Variants in SSUH2 observed in about 807,000 individuals in gnomAD.
SSUH2 encodes the protein protein SSUH2 homolog.
SSUH2 carries 47 observed loss-of-function variants against 55.3 expected under a neutral mutation model. The observed-to-expected ratio is 0.85, with a 90% CI of 0.67 to 1.08. The LOEUF (loss-of-function observed/expected upper bound fraction) is 1.08. Ranked by LOEUF, SSUH2 falls within the 50% of genes least tolerant of loss-of-function variation. The pLI is 0.00. For missense variants in SSUH2, 535 were observed against 490.7 expected, an observed-to-expected ratio of 1.09 and a Z score of -0.85; for synonymous variants, 212 against 191.5, an observed-to-expected ratio of 1.11 and a Z score of -0.89.
At chr3:8,672,625 G>A (rs141799445) in intron 3 of SSUH2, among the ~76,000 whole-genome samples, 14 of 152,044 alleles carry the variant, frequency 9.2e-5, no homozygotes, top group Middle Eastern at 3.4e-3. Flanking sequence ...GAGTCATATC[G>A]TCCTCTCCCT....
chr3:8,676,070 A>G (rs1705221711), intron 3 of SSUH2, among the ~76,000 whole-genome samples: 1 of 152,070 alleles, frequency 6.6e-6, no homozygotes, highest in Non-Finnish European at 1.5e-5. Flanking sequence ...AAGGCCCCCC[A>G]TGCTGTGGTG....
intron 5 of SSUH2, among the ~76,000 whole-genome samples, chr3:8,669,717 C>T (rs1704335650): frequency 6.6e-6 from 1 of 152,106 alleles, no homozygotes; most frequent in Non-Finnish European, 1.5e-5. Flanking sequence ...GCATTCTTCC[C>T]CAAGATCCAT....
At chr3:8,635,639 TC>T in intron 2 of SSUH2, 119 bp downstream of exon 2, 1 of 1,012,672 alleles carries the variant, frequency 9.9e-7, no homozygotes, top group Non-Finnish European at 1.4e-6. Flanking sequence ...ATGAGGGGCT[TC>T]CCAGGGCCCC....
chr3:8,643,174 G>T (rs531031668), intron 1 of SSUH2, among the ~76,000 whole-genome samples: 49 of 152,262 alleles, frequency 3.2e-4, no homozygotes, highest in Admixed American at 1.3e-3. Flanking sequence ...ACTCTGGGCT[G>T]GTGATGTATT....
chr3:8,635,939 G>A (rs1699855063), intron 1 of SSUH2, 82 bp from the exon 2 acceptor site: 3 of 1,228,402 alleles, frequency 2.4e-6, no homozygotes, highest in Admixed American at 2.2e-5. Context: ...AGAAATTAGG[G>A]CGGGTGCATT....
chr3:8,648,672 C>T (rs1463181201), upstream of SSUH2, among the ~76,000 whole-genome samples: 4 of 152,174 alleles, frequency 2.6e-5, no homozygotes, highest in African/African-American at 9.7e-5. Context: ...TCTATCACCT[C>T]CTCCAGGCCA....
chr3:8,670,477 C>A (rs559054837), intron 5 of SSUH2, among the ~76,000 whole-genome samples: 1 of 152,034 alleles, frequency 6.6e-6, no homozygotes, highest in East Asian at 1.9e-4. Flanking sequence ...GGTGTACACC[C>A]CATGTGACAT....
chr3:8,665,032 G>A (rs778297646), intron 5 of SSUH2, among the ~76,000 whole-genome samples: 3 of 152,072 alleles, frequency 2.0e-5, no homozygotes, highest in Non-Finnish European at 2.9e-5. Context: ...AATCCCTGCT[G>A]TCTACACCCA....
intron 4 of SSUH2, among the ~76,000 whole-genome samples, chr3:8,632,871 A>G (rs1401713239): frequency 1.3e-5 from 2 of 152,022 alleles, no homozygotes; most frequent in Non-Finnish European, 2.9e-5. Flanking sequence ...AGGTAGATGA[A>G]CCTCTCTCAG....
chr3:8,656,579 C>A (rs569767143), intron 7 of SSUH2, among the ~76,000 whole-genome samples: 2 of 152,136 alleles, frequency 1.3e-5, no homozygotes, highest in South Asian at 4.1e-4. Flanking sequence ...GGGGACACGA[C>A]GGGGAGCGAG....
At position 8,619,978 on chromosome 3, in the gene SSUH2, G is replaced by C; in HGVS notation, c.1018C>G (p.His340Asp). 6.2e-7 allele frequency: 1 copy of C among 1,614,150 alleles called. No individual in the cohort carries two copies. The highest frequency in any genetic ancestry group is 8.5e-7 in the Non-Finnish European group (1 of 1,180,004). Residue 340 changes from histidine to aspartate, a missense_variant, in exon 12 of 12, where the codon CAC (histidine) becomes GAC (aspartate). Transcript: ENST00000544814. ...TAAGTCTTTCCTTGGTACCAATAGT[G>C]AACTTCTGTGAGGGGGATCAGCTCA... ...TIELIPLTEV[H>D]YWYQGKTYVY...
At chr3:8,630,407 C>T (rs1210459038) in intron 6 of SSUH2, among the ~76,000 whole-genome samples, 2 of 152,238 alleles carry the variant, frequency 1.3e-5, no homozygotes, top group Non-Finnish European at 2.9e-5. Context: ...TGTTTCCTTA[C>T]TGACTCTCAT....
At chr3:8,629,524 G>A in intron 7 of SSUH2, 140 bp downstream of exon 7, 1 of 681,384 alleles carries the variant, frequency 1.5e-6, no homozygotes, top group Non-Finnish European at 2.6e-6. Context: ...GGAAAATGGA[G>A]GCCCAGAAAG....
At chr3:8,626,485 A>C (rs1420738762) in intron 8 of SSUH2, among the ~76,000 whole-genome samples, 164 bp from the exon 9 acceptor site, 3 of 151,184 alleles carry the variant, frequency 2.0e-5, no homozygotes, top group Non-Finnish European at 1.5e-5. Flanking sequence ...GTGCCCCAAT[A>C]TCTCTATGGG....
chr3:8,649,394 C>G (rs1340505174), upstream of SSUH2, among the ~76,000 whole-genome samples: 4 of 152,082 alleles, frequency 2.6e-5, no homozygotes, highest in Admixed American at 6.5e-5. Context: ...GGTGTCTGGA[C>G]CCATTGTGTG....
intron 8 of SSUH2, among the ~76,000 whole-genome samples, chr3:8,626,528 C>A (rs1697573500): frequency 9.6e-6 from 1 of 104,516 alleles, no homozygotes; most frequent in Non-Finnish European, 2.0e-5. Context: ...CCACATGGCT[C>A]TAGGGCCTGC....
intron 8 of SSUH2, among the ~76,000 whole-genome samples, 193 bp from the exon 9 acceptor site, chr3:8,626,514 C>T (rs1697565329): frequency 7.2e-6 from 1 of 139,486 alleles, no homozygotes; most frequent in Admixed American, 7.2e-5. Flanking sequence ...TTCCCCCACC[C>T]AGCCCACATG....
At chr3:8,680,804 A>G (rs761642411) in intron 1 of SSUH2, among the ~76,000 whole-genome samples, 2 of 152,038 alleles carry the variant, frequency 1.3e-5, no homozygotes, top group Non-Finnish European at 2.9e-5. Context: ...TGAATATTGG[A>G]AAGAATATTG....
intron 6 of SSUH2, among the ~76,000 whole-genome samples, chr3:8,630,304 T>G (rs1482901810): frequency 6.6e-6 from 1 of 152,190 alleles, no homozygotes; most frequent in Admixed American, 6.5e-5. Context: ...GAACACAATA[T>G]GAGCTATCTC....
Sources: gnomAD v4.1 joint callset for allele counts (sites outside exome capture counted in the v4.1 genomes callset) on GRCh38, gnomAD v4.1.1 for gene constraint, MANE v1.5 for transcripts, NCBI Gene and HGNC (gene_info 2026-07-23, HGNC 2026-07-21) for gene names.